Variants in PLK3 observed in about 807,000 individuals in gnomAD.
PLK3 encodes polo like kinase 3.
A neutral mutation model predicts 71.6 loss-of-function variants in PLK3; 41 were observed. The observed-to-expected ratio is 0.57, with a 90% confidence interval of 0.45 to 0.74. The LOEUF (loss-of-function observed/expected upper bound fraction) is 0.74, where lower values mean the gene tolerates loss of function less well. Among genes scored for constraint, PLK3 ranks in the 30% least tolerant of loss-of-function variants. The pLI, the probability that PLK3 is intolerant of heterozygous loss-of-function variation, is 0.00. For missense variants in PLK3, 791 were observed against 875.6 expected (o/e 0.90, Z 1.22); for synonymous variants, 366 against 355.4 (o/e 1.03, Z -0.33).
rs569229740 is a variant in PLK3 at position 44,803,145 on chromosome 1, T to C, written c.940T>C (p.Phe314Leu). Reference sequence around the variant, plus strand: ...TGACCAGATCCTGCGCCATGACTTCTTTACCAAGGTCTGTGGCTCCCCAGA... The same window carrying C: ...TGACCAGATCCTGCGCCATGACTTCCTTACCAAGGTCTGTGGCTCCCCAGA... ...SIDQILRHDF[F>L]TKGYTPDRLP... The change falls in exon 7 of 15, where the codon TTT becomes CTT. Residue 314 changes from phenylalanine (F) to leucine (L), a missense_variant. Coordinates refer to ENST00000372201, the MANE Select transcript of PLK3 (RefSeq NM_004073.4). This position sits in a 1 kb window ranked among gnomAD's most constrained non-coding sequence, Gnocchi z 4.3. The C allele has an allele frequency of 6.2e-7, 1 of 1,613,814 alleles. No homozygotes were observed. The highest frequency in any genetic ancestry group is 1.1e-5 in the South Asian group (1 of 91,078).
Position 44,804,762 on chromosome 1 carries a change from G to GAGC in PLK3, c.1623_1625dup (p.Gln541dup). 1.9e-6 allele frequency: 3 copies of GAGC among 1,614,026 alleles called. No homozygotes were observed. Among genetic ancestry groups the GAGC allele is most frequent in the Non-Finnish European group, 1.7e-6 (2 of 1,179,912 alleles). On this transcript the variant is annotated inframe_insertion, in exon 13 of 15. Coordinates refer to ENST00000372201, the MANE Select transcript of PLK3 (RefSeq NM_004073.4). ...CCTGCGGTACTTCGCCTCCTACATG[G>GAGC]AGCAGCACCTCATGAAGGTGTGAGG...
chr1:44,804,689 C>A lies in PLK3; in HGVS notation c.1545C>A (p.Ser515=). The A allele has an allele frequency of 6.2e-7, 1 of 1,614,126 alleles. No homozygotes were observed. Among genetic ancestry groups the A allele is most frequent in the Non-Finnish European group, 8.5e-7 (1 of 1,179,966 alleles). The change falls in exon 13 of 15, where the codon TCC becomes TCA. Residue 515 remains serine, a synonymous_variant. Transcript: ENST00000372201. ...HYNPTSTKHF[S]FSVGAVPRAL... ...ATCCCACCAGCACAAAGCACTTCTC[C>A]TTCTCCGTGGGTGCTGTGCCCCGGG...
In PLK3 at chr1:44,804,648, A is replaced by T. The variant is rs757032325; in HGVS notation, c.1506-2A>T. 2 of 1,613,590 alleles carry T rather than the reference A, an allele frequency of 1.2e-6. No homozygotes were observed. The highest frequency in any genetic ancestry group is 1.7e-6 in the Non-Finnish European group (2 of 1,179,698). ...CCTCTGACCTCTGCCTCCCCATTCT[A>T]GGACTGTGCACTACAATCCCACCAG... On this transcript the variant is annotated splice_acceptor_variant, in intron 12 of 14. Coordinates refer to ENST00000372201, the MANE Select transcript of PLK3 (RefSeq NM_004073.4). LOFTEE classifies it high-confidence loss of function.
Position 44,800,486 on chromosome 1 carries a change from T to G in PLK3, c.23T>G (p.Leu8Arg). 7.0e-7 allele frequency: 1 copy of G among 1,432,352 alleles called. No individual in the cohort carries two copies. The highest frequency in any genetic ancestry group is 9.1e-7 in the Non-Finnish European group (1 of 1,099,050). The allele number at this position is 1,432,352 out of a possible 1,614,324, so 88.7% of individuals were successfully genotyped here. The change falls in exon 1 of 15, where the codon CTG becomes CGG. Residue 8 changes from leucine (L) to arginine (R), a missense_variant. By Grantham distance (102) the Leu-to-Arg change is moderately radical. Transcript: ENST00000372201. The surrounding 1 kb of genome is among the most constrained non-coding windows in gnomAD (Gnocchi z 6.5). ...CGCATGGAGCCTGCCGCCGGTTTCC[T>G]GTCTCCGCGCCCCTTCCAGCGTGCG... is the stretch of plus-strand genomic sequence containing the variant. MEPAAGFLSPRPFQRAAA... is the reference protein window; with the variant it reads MEPAAGFRSPRPFQRAAA...
In PLK3 at chr1:44,803,248, C is replaced by T. The variant is rs1471622896; in HGVS notation, c.949-20C>T. On this transcript the variant is annotated intron_variant, in intron 7 of 14. Coordinates refer to ENST00000372201, the MANE Select transcript of PLK3 (RefSeq NM_004073.4). The surrounding 1 kb of genome is among the most constrained non-coding windows in gnomAD (Gnocchi z 4.3). Reference sequence around the variant, plus strand: ...ACCCCTGGAGCCTCTCTTCTCTGTTCACATGGTTCCCCTCCCTAGGGCTAC... The same window carrying T: ...ACCCCTGGAGCCTCTCTTCTCTGTTTACATGGTTCCCCTCCCTAGGGCTAC... 2.5e-6 allele frequency: 4 copies of T among 1,613,612 alleles called. No homozygotes were observed. The highest frequency in any genetic ancestry group is 3.4e-6 in the Non-Finnish European group (4 of 1,179,710).
Position 44,800,625 on chromosome 1 carries a change from G to A in PLK3, c.162G>A (p.Thr54=). 6.5e-7 allele frequency: 1 copy of A among 1,541,980 alleles called. No individual in the cohort carries two copies. ...CGTCAGACCCCGGGCGCCTCATCAC[G>A]GACCCGCGCAGCGGCCGCACCTACC... ...LPTSDPGRLI[T]DPRSGRTYLK... Residue 54 remains threonine, a synonymous_variant, in exon 1 of 15, where the codon ACG becomes ACA. Transcript: ENST00000372201. This position sits in a 1 kb window ranked among gnomAD's most constrained non-coding sequence, Gnocchi z 6.5.
chr1:44,801,203 CTTTTTTTTTTTTTT>C lies in PLK3; in HGVS notation c.435+62_435+75del, dbSNP rs34463102. On this transcript the variant is annotated intron_variant, in intron 3 of 14. Transcript: ENST00000372201. ...ATGAGAGTGAGGGAGAGAAGACAGT[CTTTTTTTTTTTTTT>C]TTTTTTTTTTGAGATGGAGTCTTGC... 2.0e-5 allele frequency: 7 copies of C among 344,796 alleles called. No homozygotes were observed. The East Asian group carries it at 2.1e-4, about 10-fold the overall frequency. The allele number at this position is 344,796 out of a possible 1,614,324, so 21.4% of individuals were successfully genotyped here.
At chr1:44,802,340 T>C (rs1239642447) in intron 5 of PLK3, among the ~76,000 whole-genome samples, 1 of 152,092 alleles carries the variant, frequency 6.6e-6, no homozygotes, top group East Asian at 1.9e-4. Flanking sequence ...GCCATCATAC[T>C]TTGTGTGTGT....
At chr1:44,801,196 A>G (rs756309742) in intron 3 of PLK3, 44 bp downstream of exon 3, 2 of 791,716 alleles carry the variant, frequency 2.5e-6, no homozygotes, top group Middle Eastern at 5.1e-4. Flanking sequence ...GAGGGAGAGA[A>G]GACAGTCTTT....
Position 44,805,618 on chromosome 1 carries a change from A to G in PLK3, c.1881A>G (p.Pro627=). Residue 627 remains proline, a synonymous_variant, in exon 15 of 15, where the codon CCA becomes CCG. Transcript: ENST00000372201. ...ASHLRQLGCS[P]DLRQRLRYAL... The stretch of plus-strand genomic sequence containing the variant: ...ACCTTCGGCAGCTGGGCTGCTCTCC[A>G]GACCTGCGGCAGCGACTCCGCTATG... 6.2e-7 allele frequency: 1 copy of G among 1,614,100 alleles called. No homozygotes were observed. Among genetic ancestry groups the G allele is most frequent in the Non-Finnish European group, 8.5e-7 (1 of 1,180,006 alleles).
chr1:44,803,162 C>T lies in PLK3; in HGVS notation c.948+9C>T, dbSNP rs1163547828. ...ATGACTTCTTTACCAAGGTCTGTGG[C>T]TCCCCAGACCTCTAAGTCCATCTGT... On this transcript the variant is annotated intron_variant, in intron 7 of 14. Transcript: ENST00000372201. This position sits in a 1 kb window ranked among gnomAD's most constrained non-coding sequence, Gnocchi z 4.3. 22 of 1,613,502 alleles carry T rather than the reference C, an allele frequency of 1.4e-5. No homozygotes were observed. The highest frequency in any genetic ancestry group is 1.6e-5 in the Non-Finnish European group (19 of 1,179,596).
rs1651904693 is a variant in PLK3, at chr1:44,803,454, T to A, written c.1072+63T>A. 1 of 1,608,362 alleles carries A rather than the reference T, an allele frequency of 6.2e-7. No homozygotes were observed. Among genetic ancestry groups the A allele is most frequent in the African/African-American group, 1.3e-5 (1 of 74,896 alleles). On this transcript the variant is annotated intron_variant, in intron 8 of 14. Coordinates refer to ENST00000372201, the MANE Select transcript of PLK3 (RefSeq NM_004073.4). This position sits in a 1 kb window ranked among gnomAD's most constrained non-coding sequence, Gnocchi z 4.3. The stretch of plus-strand genomic sequence containing the variant: ...AGTAGAGCGGCTTGTCACATTTGTC[T>A]TGGGTGTGTGAGTGTGGGTGCCTGG...
At position 44,803,418 on chromosome 1, in the gene PLK3, G is replaced by A. The variant is rs1651903574; in HGVS notation, c.1072+27G>A. The A allele has an allele frequency of 1.2e-6, 2 of 1,613,580 alleles. No homozygotes were observed. Among genetic ancestry groups the A allele is most frequent in the African/African-American group, 2.7e-5 (2 of 74,928 alleles). ...TGAGTCTGGGGTGTCAGTGGGTTGA[G>A]GGGGCAGAGCAGTAGAGCGGCTTGT... On this transcript the variant is annotated intron_variant, in intron 8 of 14. Coordinates refer to ENST00000372201, the MANE Select transcript of PLK3 (RefSeq NM_004073.4). This position sits in a 1 kb window ranked among gnomAD's most constrained non-coding sequence, Gnocchi z 4.3.
rs1172262505 is a variant in PLK3 at position 44,803,181 on chromosome 1, C to T, written c.948+28C>T. Reference sequence around the variant, plus strand: ...CTGTGGCTCCCCAGACCTCTAAGTCCATCTGTGTATTCCCAGGGATTGAAA... The same window carrying T: ...CTGTGGCTCCCCAGACCTCTAAGTCTATCTGTGTATTCCCAGGGATTGAAA... On this transcript the variant is annotated intron_variant, in intron 7 of 14. Coordinates refer to ENST00000372201, the MANE Select transcript of PLK3 (RefSeq NM_004073.4). The surrounding 1 kb of genome is among the most constrained non-coding windows in gnomAD (Gnocchi z 4.3). The T allele has an allele frequency of 8.7e-6, 14 of 1,613,084 alleles. No individual in the cohort carries two copies. In the East Asian group the frequency reaches 3.1e-4, roughly 36 times the overall value.
chr1:44,805,206 A>C, intron 13 of PLK3, 60 bp from the exon 14 acceptor site: 1 of 1,096,662 alleles, frequency 9.1e-7, no homozygotes. Context: ...TAAGGCATAC[A>C]CTAATGGGGA....
intron 5 of PLK3, among the ~76,000 whole-genome samples, chr1:44,802,503 C>T (rs766823033): frequency 4.6e-5 from 7 of 152,084 alleles, no homozygotes; most frequent in Non-Finnish European, 1.0e-4. Flanking sequence ...TGTGGACTCT[C>T]TGTGTTGACC....
chr1:44,805,280 C>T lies in PLK3; in HGVS notation c.1650C>T (p.Pro550=). Residue 550 remains proline (P), a synonymous_variant, in exon 14 of 15, where the codon CCC becomes CCT. Transcript: ENST00000372201. ...EQHLMKGGDL[P]SVEEVEVPAP... ...CCTGCTCCCAGGGTGGAGATCTGCC[C>T]AGTGTGGAAGAGGTAGAGGTACCTG... is the stretch of plus-strand genomic sequence containing the variant. 6.2e-7 allele frequency: 1 copy of T among 1,612,428 alleles called. No homozygotes were observed. Among genetic ancestry groups the T allele is most frequent in the South Asian group, 1.1e-5 (1 of 91,048 alleles).
At position 44,804,154 on chromosome 1, in the gene PLK3, C is replaced by T; in HGVS notation, c.1259-9C>T. The T allele has an allele frequency of 6.2e-7, 1 of 1,611,632 alleles. No individual in the cohort carries two copies. The highest frequency in any genetic ancestry group is 1.3e-5 in the African/African-American group (1 of 74,972). ...TAATTCCTAAATCTCAGTGCCCTGT[C>T]TCCTTCAGGATTTGAAGAAGGTCTG... On this transcript the variant is annotated splice_polypyrimidine_tract_variant and intron_variant, in intron 10 of 14. Transcript: ENST00000372201.
intron 14 of PLK3, 22 bp from the exon 15 acceptor site, chr1:44,805,465 C>T: frequency 6.2e-7 from 1 of 1,613,372 alleles, no homozygotes; most frequent in South Asian, 1.1e-5. Context: ...AGGTCCTGAC[C>T]ACTGTCATGC....
Sources: allele counts gnomAD v4.1 joint callset (sites outside exome capture counted in the v4.1 genomes callset), GRCh38; gene constraint gnomAD v4.1.1; non-coding constraint Gnocchi (gnomAD v3.1); transcripts MANE v1.5; gene names NCBI Gene and HGNC (gene_info 2026-07-23, HGNC 2026-07-21).